ARHGEF4: variants seen among roughly 807,000 people sequenced by gnomAD.
The protein encoded by ARHGEF4 is Rho guanine nucleotide exchange factor 4.
Under a neutral mutation model 162.0 loss-of-function variants are expected in ARHGEF4, and 119 were observed. The ratio of observed to expected loss-of-function variants is 0.73; its 90% confidence interval spans 0.63 to 0.86. ARHGEF4 has a LOEUF of 0.86. Ranked by LOEUF, ARHGEF4 falls within the 40% of genes least tolerant of loss-of-function variation. ARHGEF4 has a pLI of 0.00. For missense variants in ARHGEF4, 2,488 were observed against 2,456.0 expected (o/e 1.01, Z -0.28); for synonymous variants, 1,014 against 979.9 (o/e 1.03, Z -0.65).
chr2:130,987,716 T>G (rs1686617773), intron 4 of ARHGEF4, among the ~76,000 whole-genome samples: 1 of 152,158 alleles, frequency 6.6e-6, no homozygotes, highest in South Asian at 2.1e-4. Context: ...TCTCACTGGC[T>G]GAGAGCCTGC....
chr2:130,933,723 G>A (rs1354071890), intron 3 of ARHGEF4, among the ~76,000 whole-genome samples: 4 of 152,112 alleles, frequency 2.6e-5, no homozygotes, highest in Non-Finnish European at 5.9e-5. Flanking sequence ...TTCATTTTGG[G>A]ATTATCCATT....
Position 130,836,934 on chromosome 2 carries a change from C to T in ARHGEF4, c.-20C>T, listed in dbSNP as rs939978837. ...GGCTCGTAGTGCTGCGGCCGGGCTC[C>T]GGGCGTCCCGGCGGCCACCATGCTC... On this transcript the variant is annotated 5_prime_UTR_variant, in exon 1 of 14. Coordinates refer to ENST00000409359, the MANE Select transcript of ARHGEF4 (RefSeq NM_001367493.1). The T allele has an allele frequency of 2.4e-4, 297 of 1,222,354 alleles. No individual in the cohort carries two copies. The highest frequency in any genetic ancestry group is 2.9e-4 in the Non-Finnish European group (283 of 982,548). The allele number at this position is 1,222,354 out of a possible 1,614,324, so 75.7% of individuals were successfully genotyped here.
intron 4 of ARHGEF4, among the ~76,000 whole-genome samples, chr2:130,994,829 G>T (rs1440700263): frequency 6.6e-6 from 1 of 152,130 alleles, no homozygotes; most frequent in Non-Finnish European, 1.5e-5. Flanking sequence ...CTTGCATTTT[G>T]TGTATAGAAG....
intron 1 of ARHGEF4, among the ~76,000 whole-genome samples, chr2:130,907,471 C>T (rs1026706227): frequency 2.0e-5 from 3 of 151,478 alleles, no homozygotes; most frequent in African/African-American, 4.8e-5. Flanking sequence ...CCCACCTCAG[C>T]GTCCCAAAGT....
intron 4 of ARHGEF4, among the ~76,000 whole-genome samples, chr2:130,982,512 C>T (rs1182836603): frequency 1.3e-5 from 2 of 152,078 alleles, no homozygotes; most frequent in African/African-American, 2.4e-5. Context: ...CATGACATGC[C>T]TGGGCTTTCT....
intron 4 of ARHGEF4, among the ~76,000 whole-genome samples, chr2:131,005,425 G>A (rs1688059866): frequency 1.3e-5 from 2 of 152,166 alleles, no homozygotes; most frequent in African/African-American, 4.8e-5. Flanking sequence ...ACTCCCTGCC[G>A]TCCTCAGGCT....
chr2:131,043,554 T>C lies in ARHGEF4; in HGVS notation c.5128T>C (p.Phe1710Leu). The change falls in exon 11 of 14, where the codon TTT becomes CTT. Residue 1710 changes from phenylalanine to leucine, a missense_variant. Transcript: ENST00000409359. ...AAGCCAGCAGCGAATGTTCTTTCTCTTTGACCACCAGCTCATCTACTGTAA... is the reference window on the plus strand; with the variant it reads ...AAGCCAGCAGCGAATGTTCTTTCTCCTTGACCACCAGCTCATCTACTGTAA... The part of the protein sequence containing the change: ...AKSQQRMFFL[F>L]DHQLIYCKKD... 6.2e-7 allele frequency: 1 copy of C among 1,614,082 alleles called. No individual in the cohort carries two copies. Among genetic ancestry groups the C allele is most frequent in the Non-Finnish European group, 8.5e-7 (1 of 1,180,000 alleles).
chr2:130,908,706 A>G (rs1156762508), intron 1 of ARHGEF4, among the ~76,000 whole-genome samples: 1 of 152,122 alleles, frequency 6.6e-6, no homozygotes, highest in East Asian at 1.9e-4. Context: ...TTAAAAAAAA[A>G]AGTTTTACTC....
chr2:130,968,556 A>C (rs1472124698), intron 4 of ARHGEF4, among the ~76,000 whole-genome samples: 1 of 152,178 alleles, frequency 6.6e-6, no homozygotes, highest in Non-Finnish European at 1.5e-5. Flanking sequence ...GCAATTGCAA[A>C]TAGTATGAAA....
intron 1 of ARHGEF4, among the ~76,000 whole-genome samples, chr2:130,852,952 G>T (rs555275760): frequency 5.3e-5 from 8 of 152,336 alleles, no homozygotes; most frequent in Non-Finnish European, 1.2e-4. Context: ...GCTCAGAGCA[G>T]ACTGATCGCC....
rs1279701848 is a variant in ARHGEF4 at position 131,046,143 on chromosome 2, C to T, written c.5585C>T (p.Ser1862Phe). 1.9e-6 allele frequency: 3 copies of T among 1,612,966 alleles called. No individual in the cohort carries two copies. The highest frequency in any genetic ancestry group is 1.7e-6 in the Non-Finnish European group (2 of 1,179,904). Reference sequence around the variant, plus strand: ...CTGGCGGAGCCCAGGCGCAAGCCATCTACCTTCTGGCACAGCATCAGCCGG... The same window carrying T: ...CTGGCGGAGCCCAGGCGCAAGCCATTTACCTTCTGGCACAGCATCAGCCGG... ...LVLAEPRRKP[S>F]TFWHSISRLA... is the part of the protein sequence containing the mutation. Residue 1862 changes from serine (S) to phenylalanine (F), a missense_variant, in exon 14 of 14, where the codon TCT becomes TTT. By Grantham distance (155) the Ser-to-Phe change is radical (BLOSUM62 -2). Coordinates refer to ENST00000409359, the MANE Select transcript of ARHGEF4 (RefSeq NM_001367493.1).
At chr2:130,926,048 C>CTTTCTTTCTCTTTCTT in intron 2 of ARHGEF4, among the ~76,000 whole-genome samples, 1,353 of 53,220 alleles carry the variant, frequency 0.025, 14 homozygotes, top group South Asian at 0.047. Context: ...TTCTTTCTTT[C>CTTTCTTTCTCTTTCTT]TCTTTCTTTC....
At chr2:130,932,343 G>T (rs1682686763) in intron 3 of ARHGEF4, among the ~76,000 whole-genome samples, 1 of 152,070 alleles carries the variant, frequency 6.6e-6, no homozygotes, top group African/African-American at 2.4e-5. Flanking sequence ...TGAGTAGCTG[G>T]GATTACAGGT....
At chr2:130,958,853 C>T (rs1444333071) in intron 4 of ARHGEF4, among the ~76,000 whole-genome samples, 1 of 152,124 alleles carries the variant, frequency 6.6e-6, no homozygotes, top group Non-Finnish European at 1.5e-5. Context: ...AAGTCAATCT[C>T]ATTTTCTCTA....
At chr2:131,035,470 C>CCT in intron 5 of ARHGEF4, 1 of 401,422 alleles carries the variant, frequency 2.5e-6, no homozygotes, top group Non-Finnish European at 3.8e-6. Flanking sequence ...GTCCTCTGTG[C>CCT]CCTGTGGGGA....
At chr2:130,998,684 G>A (rs1236699042) in intron 4 of ARHGEF4, among the ~76,000 whole-genome samples, 1 of 152,116 alleles carries the variant, frequency 6.6e-6, no homozygotes, top group African/African-American at 2.4e-5. Context: ...TTGTCGTTGT[G>A]TATATGTATC....
At chr2:130,852,516 A>T (rs1468914135) in intron 1 of ARHGEF4, among the ~76,000 whole-genome samples, 1 of 131,064 alleles carries the variant, frequency 7.6e-6, no homozygotes, top group Non-Finnish European at 1.6e-5. Context: ...ATCGGGCCAG[A>T]CTGTGAGCTG....
chr2:130,916,941 G>C lies in ARHGEF4; in HGVS notation c.2995G>C (p.Val999Leu), dbSNP rs142228684. 1,216 of 1,550,776 alleles carry C rather than the reference G, an allele frequency of 7.8e-4. 8 individuals are homozygous for C. In the African/African-American group the frequency reaches 0.013, roughly 17 times the overall value. Residue 999 changes from valine (V) to leucine (L), a missense_variant, in exon 2 of 14, where the codon GTT becomes CTT. By Grantham distance (32) the Val-to-Leu change is conservative. This residue lies in a region of ARHGEF4 where 1,642 missense variants were observed against 1,481.5 expected (regional missense o/e 1.11). Coordinates refer to ENST00000409359, the MANE Select transcript of ARHGEF4 (RefSeq NM_001367493.1). Reference sequence around the variant, plus strand: ...ACGGGCGGAGGACAAAGAGGGCTATGTTTTTAGCGATCACTGGGCACCCCC... The same window carrying C: ...ACGGGCGGAGGACAAAGAGGGCTATCTTTTTAGCGATCACTGGGCACCCCC... ...EERAEDKEGY[V>L]FSDHWAPPLA... is the part of the protein sequence containing the mutation.
Position 130,915,194 on chromosome 2 carries a change from G to A in ARHGEF4, c.1248G>A (p.Gln416=). 6.4e-7 allele frequency: 1 copy of A among 1,550,594 alleles called. No individual in the cohort carries two copies. Among genetic ancestry groups the A allele is most frequent in the Non-Finnish European group, 8.7e-7 (1 of 1,147,004 alleles). The change falls in exon 2 of 14, where the codon CAG becomes CAA. Residue 416 remains glutamine, a synonymous_variant. Transcript: ENST00000409359. ...PGGFRLQRAS[Q]DTPSAGLLGE... is the part of the protein sequence containing the mutation. ...GGTTTCGCTTGCAAAGGGCCTCTCA[G>A]GACACTCCTTCTGCAGGTCTCCTGG...
Sources: allele counts gnomAD v4.1 joint callset (sites outside exome capture counted in the v4.1 genomes callset), GRCh38; gene constraint gnomAD v4.1.1; regional missense constraint gnomAD v4.1.1; transcripts MANE v1.5; gene names NCBI Gene and HGNC (gene_info 2026-07-23, HGNC 2026-07-21).